RPL5: variants seen among roughly 807,000 people sequenced by gnomAD.
RPL5 encodes ribosomal protein L5, also known as large ribosomal subunit protein uL18.
In RPL5, 1 loss-of-function variant was observed where a neutral mutation model predicts 38.4. That is an observed-to-expected ratio of 0.03 (90% confidence interval 0.01 to 0.12). RPL5 has a LOEUF of 0.12. RPL5 is among the 10% of genes least tolerant of loss of function. The pLI is 1.00. For missense variants in RPL5, 243 were observed against 374.1 expected (o/e 0.65, Z 2.89); for synonymous variants, 109 against 121.2 (o/e 0.90, Z 0.66).
intron 5 of RPL5, 82 bp from the exon 6 acceptor site, chr1:92,837,374 T>G (rs1326828797): frequency 8.5e-7 from 1 of 1,182,600 alleles, no homozygotes; most frequent in Admixed American, 1.7e-5. Context: ...AAGACGGGAC[T>G]GATGGCAGCT....
chr1:92,836,447 A>T (rs1687131294), intron 5 of RPL5, 55 bp downstream of exon 5: 1 of 1,497,824 alleles, frequency 6.7e-7, no homozygotes, highest in Non-Finnish European at 9.3e-7. Flanking sequence ...CCCTGTTTTT[A>T]ACTAGTTGGA....
intron 6 of RPL5, among the ~76,000 whole-genome samples, chr1:92,839,137 T>C (rs1221902089): frequency 2.0e-5 from 3 of 150,384 alleles, no homozygotes; most frequent in Non-Finnish European, 2.9e-5. Flanking sequence ...GGTGGGCAGA[T>C]CACCTGATGT....
At chr1:92,837,027 T>C in intron 5 of RPL5, 1 of 276,354 alleles carries the variant, frequency 3.6e-6, no homozygotes, top group Non-Finnish European at 7.1e-6. Context: ...GCTTTTATGA[T>C]GTGGAGGTGG....
chr1:92,832,062 G>T lies in RPL5; in HGVS notation c.-53G>T. On this transcript the variant is annotated 5_prime_UTR_variant, in exon 1 of 8. Transcript: ENST00000370321. ...GGCCCTTTTCCCACCCCCTAGCGCC[G>T]CTGGGCCTGCAGGTCTCTGTCGAGC... is the stretch of plus-strand genomic sequence containing the variant. 1.2e-6 allele frequency: 2 copies of T among 1,612,370 alleles called. No homozygotes were observed. Among genetic ancestry groups the T allele is most frequent in the Non-Finnish European group, 1.7e-6 (2 of 1,179,364 alleles).
intron 1 of RPL5, chr1:92,833,154 TC>T (rs1686977216): frequency 4.5e-6 from 3 of 660,756 alleles, no homozygotes; most frequent in Non-Finnish European, 8.2e-6. Flanking sequence ...TTTCTTTTAT[TC>T]CATATTTCTC....
At chr1:92,832,020 G>A (rs562811182), upstream of RPL5, 2 of 1,580,538 alleles carry the variant, frequency 1.3e-6, no homozygotes, top group Admixed American at 1.8e-5. Flanking sequence ...TACATACTGC[G>A]CCTGCGCAAG....
intron 5 of RPL5, 155 bp downstream of exon 5, chr1:92,836,547 G>A (rs1050433550): frequency 5.7e-6 from 4 of 698,538 alleles, no homozygotes; most frequent in Non-Finnish European, 1.0e-5. Flanking sequence ...AGGGCAGGAA[G>A]GAATTATAGC....
At chr1:92,837,373 C>T (rs1687172002) in intron 5 of RPL5, 83 bp from the exon 6 acceptor site, 3 of 1,173,664 alleles carry the variant, frequency 2.6e-6, no homozygotes, top group Non-Finnish European at 3.9e-6. Context: ...CAAGACGGGA[C>T]TGATGGCAGC....
At chr1:92,840,784 A>T (rs1262424456) in intron 7 of RPL5, 145 bp downstream of exon 7, 1 of 749,954 alleles carries the variant, frequency 1.3e-6, no homozygotes, top group Non-Finnish European at 2.4e-6. Context: ...TTGCAAAAGT[A>T]ACTGTGGTGA....
rs145058455 is a variant in RPL5, at chr1:92,836,179, T to G, written c.325-11T>G. The stretch of plus-strand genomic sequence containing the variant: ...AATTGAAACCAGCATTTACATTGGT[T>G]TCTTGAATAGCTTCTCAATAGGTTT... On this transcript the variant is annotated splice_polypyrimidine_tract_variant and intron_variant, in intron 4 of 7. Transcript: ENST00000370321. 3,805 of 1,611,072 alleles carry G rather than the reference T, an allele frequency of 2.4e-3. 8 individuals carry two copies. Among genetic ancestry groups the G allele is most frequent in the Non-Finnish European group, 3.0e-3 (3,526 of 1,178,880 alleles).
intron 6 of RPL5, among the ~76,000 whole-genome samples, chr1:92,839,896 A>G (rs1346362028): frequency 6.6e-6 from 1 of 151,598 alleles, no homozygotes; most frequent in East Asian, 1.9e-4. Context: ...GCTGGGGTGC[A>G]ATGGCACAAT....
At chr1:92,832,009 C>G (rs1171693574), upstream of RPL5, 3 of 1,556,852 alleles carry the variant, frequency 1.9e-6, no homozygotes, top group Non-Finnish European at 2.6e-6. Flanking sequence ...ACCGTCCGCG[C>G]TACATACTGC....
rs748406812 is a variant in RPL5, at chr1:92,833,697, C to G, written c.189+37C>G. On this transcript the variant is annotated intron_variant, in intron 3 of 7. Coordinates refer to ENST00000370321, the MANE Select transcript of RPL5 (RefSeq NM_000969.5). The stretch of plus-strand genomic sequence containing the variant: ...TCTAGACAGTCCCCTTTTTTTATTG[C>G]TAGAGAAATTGTGCTTGGGAAGCAA... 3.9e-6 allele frequency: 6 copies of G among 1,533,334 alleles called. No homozygotes were observed. In the South Asian group the frequency reaches 5.6e-5, roughly 14 times the overall value. 95.0% of individuals were successfully genotyped at this position (1,533,334 alleles called of 1,614,324 possible). A position where few individuals can be genotyped will look rare whatever the true frequency, so the allele number is the denominator to read the frequency against.
chr1:92,832,563 C>T (rs560440616), intron 1 of RPL5, among the ~76,000 whole-genome samples: 2 of 152,260 alleles, frequency 1.3e-5, no homozygotes, highest in East Asian at 1.9e-4. Flanking sequence ...AATGTCGGAG[C>T]CGGCAAGTCT....
Position 92,837,562 on chromosome 1 carries a change from A to G in RPL5, c.634A>G (p.Met212Val). The change falls in exon 6 of 8, where the codon ATG (methionine) becomes GTG (valine). Residue 212 changes from methionine to valine, a missense_variant. By Grantham distance (21) the Met-to-Val change is conservative. Transcript: ENST00000370321. ...TGTTGCAGATTACATGCGCTACTTA[A>G]TGGAAGAAGATGAAGATGCTTACAA... is the stretch of plus-strand genomic sequence containing the variant. ...QNVADYMRYL[M>V]EEDEDAYKKQ... 1 of 1,612,108 alleles carries G rather than the reference A, an allele frequency of 6.2e-7. No homozygotes were observed. Among genetic ancestry groups the G allele is most frequent in the East Asian group, 2.2e-5 (1 of 44,868 alleles).
At chr1:92,837,751 C>A (rs760295365) in intron 6 of RPL5, 118 bp downstream of exon 6, 8 of 794,328 alleles carry the variant, frequency 1.0e-5, no homozygotes, top group Non-Finnish European at 1.7e-5. Context: ...ATGAGCTAGA[C>A]TTGTCAACAT....
Position 92,840,598 on chromosome 1 carries a change from A to T in RPL5, c.753A>T (p.Pro251=), listed in dbSNP as rs774814291. The T allele has an allele frequency of 1.2e-6, 2 of 1,612,566 alleles. No individual in the cohort carries two copies. Among genetic ancestry groups the T allele is most frequent in the African/African-American group, 1.3e-5 (1 of 74,912 alleles). The part of the protein sequence containing the change: ...KKAHAAIREN[P]VYEKKPKKEV... ...CTCATGCTGCTATACGAGAGAATCC[A>T]GTCTATGAAAAGAAGCCCAAGAAAG... The change falls in exon 7 of 8, where the codon CCA becomes CCT. Residue 251 remains proline, a synonymous_variant. Transcript: ENST00000370321.
At chr1:92,834,230 AGTTGT>A (rs1687029948) in intron 3 of RPL5, among the ~76,000 whole-genome samples, 2 of 152,354 alleles carry the variant, frequency 1.3e-5, no homozygotes, top group Admixed American at 1.3e-4. Context: ...CTGAAAAGGT[AGTTGT>A]GAATTAAACA....
rs376414614 is a variant in RPL5 at position 92,832,128 on chromosome 1, G to C, written c.3+11G>C. On this transcript the variant is annotated intron_variant, in intron 1 of 7. Coordinates refer to ENST00000370321, the MANE Select transcript of RPL5 (RefSeq NM_000969.5). ...CTGTTCCGCAGGATGGTGAGTGGAT[G>C]CCTCGGTCTCGGGGCTTTAGATGCA... 7.4e-6 allele frequency: 12 copies of C among 1,613,964 alleles called. No homozygotes were observed. The highest frequency in any genetic ancestry group is 1.0e-5 in the Non-Finnish European group (12 of 1,179,984).
Sources: gnomAD v4.1 joint callset for allele counts (sites outside exome capture counted in the v4.1 genomes callset) on GRCh38, gnomAD v4.1.1 for gene constraint, MANE v1.5 for transcripts, NCBI Gene and HGNC (gene_info 2026-07-23, HGNC 2026-07-21) for gene names.